The following DYNC1I1 variants were observed in gnomAD, a reference collection of about 807,000 sequenced individuals.
DYNC1I1 encodes the protein dynein cytoplasmic 1 intermediate chain 1.
A neutral mutation model predicts 86.6 loss-of-function variants in DYNC1I1; 43 were observed. The ratio of observed to expected loss-of-function variants is 0.50; its 90% confidence interval spans 0.39 to 0.64. DYNC1I1 has a LOEUF of 0.64. Ranked by LOEUF, DYNC1I1 falls within the 30% of genes least tolerant of loss-of-function variation. The pLI, the probability that DYNC1I1 is intolerant of heterozygous loss-of-function variation, is 0.00. For synonymous variants in DYNC1I1, 262 were observed against 283.7 expected (o/e 0.92, Z 0.77); for missense variants, 604 against 788.8 (o/e 0.77, Z 2.81).
chr7:95,894,335 A>G (rs775857084), intron 6 of DYNC1I1, among the ~76,000 whole-genome samples: 3 of 152,060 alleles, frequency 2.0e-5, no homozygotes, highest in Non-Finnish European at 4.4e-5. Flanking sequence ...GTCTCCTGAT[A>G]TGATAGAAGG....
intron 10 of DYNC1I1, among the ~76,000 whole-genome samples, chr7:96,018,610 T>A (rs969265985): frequency 6.6e-6 from 1 of 152,198 alleles, no homozygotes; most frequent in Non-Finnish European, 1.5e-5. Context: ...AGTGTCTACA[T>A]GGAGAGTGAT....
In DYNC1I1 at chr7:95,783,532, A is replaced by G. The variant is rs145193329; in HGVS notation, c.-10+10759A>G. On this transcript the variant is annotated intron_variant, in intron 1 of 16. Transcript: ENST00000447467. ...ATCAGATATCAAATGATTATCACAT[A>G]TGTTAAAATGGGATAAATGCCTCAG... is the stretch of plus-strand genomic sequence containing the variant. Among the ~76,000 whole-genome samples the G allele has an allele frequency of 4.9e-3, 740 of 152,340 alleles. 7 individuals are homozygous for G. Among genetic ancestry groups the G allele is most frequent in the African/African-American group, 0.017 (713 of 41,562 alleles).
intron 10 of DYNC1I1, among the ~76,000 whole-genome samples, chr7:96,005,296 A>G (rs1253071044): frequency 6.6e-6 from 1 of 152,226 alleles, no homozygotes; most frequent in Admixed American, 6.5e-5. Flanking sequence ...CACCTTGCTA[A>G]TAATAGCAGA....
downstream of DYNC1I1, among the ~76,000 whole-genome samples, chr7:96,100,572 G>A (rs1373285288): frequency 6.6e-6 from 1 of 151,580 alleles, no homozygotes; most frequent in Non-Finnish European, 1.5e-5. Flanking sequence ...AGTAGCACTG[G>A]GATTAGATTT....
chr7:95,942,846 T>A (rs1792271758), intron 6 of DYNC1I1, among the ~76,000 whole-genome samples: 2 of 145,672 alleles, frequency 1.4e-5, no homozygotes, highest in Admixed American at 1.4e-4. Flanking sequence ...AAACTCTCAA[T>A]AAATTAGGTA....
At chr7:95,940,031 G>A (rs1033268161) in intron 6 of DYNC1I1, among the ~76,000 whole-genome samples, 2 of 151,900 alleles carry the variant, frequency 1.3e-5, no homozygotes, top group African/African-American at 4.8e-5. Flanking sequence ...TGTCTGTAAA[G>A]TATTTTATTT....
At chr7:95,827,351 A>G (rs912668334) in intron 4 of DYNC1I1, among the ~76,000 whole-genome samples, 1 of 152,208 alleles carries the variant, frequency 6.6e-6, no homozygotes, top group Non-Finnish European at 1.5e-5. Context: ...TAGAAGAGCC[A>G]TTTATCCCCT....
chr7:96,081,698 G>A (rs1790524296), intron 16 of DYNC1I1, among the ~76,000 whole-genome samples: 1 of 152,158 alleles, frequency 6.6e-6, no homozygotes, highest in South Asian at 2.1e-4. Flanking sequence ...CACTGAGAAG[G>A]GTTCTTTATG....
downstream of DYNC1I1, among the ~76,000 whole-genome samples, chr7:96,100,247 A>G (rs1051314857): frequency 3.9e-5 from 6 of 152,152 alleles, no homozygotes; most frequent in Non-Finnish European, 7.4e-5. Flanking sequence ...CCAGGACTTT[A>G]TGTCAGCATT....
At chr7:95,942,475 C>T (rs984643961) in intron 6 of DYNC1I1, among the ~76,000 whole-genome samples, 4 of 152,314 alleles carry the variant, frequency 2.6e-5, no homozygotes, top group African/African-American at 9.6e-5. Flanking sequence ...CCTTCTGAAA[C>T]TATTCCAACC....
intron 6 of DYNC1I1, among the ~76,000 whole-genome samples, chr7:95,885,119 C>A (rs1323252396): frequency 6.6e-6 from 1 of 152,148 alleles, no homozygotes; most frequent in Admixed American, 6.5e-5. Context: ...TGTGTTTTCT[C>A]CTGATCTGAA....
chr7:95,794,445 A>G (rs982723426), intron 1 of DYNC1I1, among the ~76,000 whole-genome samples: 3 of 152,212 alleles, frequency 2.0e-5, no homozygotes, highest in African/African-American at 7.2e-5. Context: ...AAAGAGAAGC[A>G]TATTGAATCT....
chr7:96,035,808 T>C, intron 13 of DYNC1I1, 56 bp downstream of exon 13: 3 of 1,593,226 alleles, frequency 1.9e-6, no homozygotes, highest in Non-Finnish European at 2.6e-6. Context: ...AAGTCTGTTA[T>C]CACATTCTGG....
At chr7:95,861,724 A>G (rs1266029933) in intron 5 of DYNC1I1, among the ~76,000 whole-genome samples, 1 of 152,158 alleles carries the variant, frequency 6.6e-6, no homozygotes, top group Non-Finnish European at 1.5e-5. Flanking sequence ...ATTGTATAGT[A>G]TCTAACTGAT....
chr7:96,085,985 G>T (rs756930), intron 16 of DYNC1I1, among the ~76,000 whole-genome samples: 1 of 151,726 alleles, frequency 6.6e-6, no homozygotes, highest in Non-Finnish European at 1.5e-5. Flanking sequence ...AAATAAAAAC[G>T]ACTCATTGCC....
rs1584243381 is a variant in DYNC1I1, at chr7:96,004,204, C to T, written c.969+8131C>T. ...ACTTTGCTTTTTCCGTTTTTATATC[C>T]GATTGTTTACTTTTAAATGGTATGT... On this transcript the variant is annotated intron_variant, in intron 10 of 16. Transcript: ENST00000447467. 2.0e-5 allele frequency among the ~76,000 whole-genome samples: 3 copies of T among 152,050 alleles called. 1 individual carries two copies. The Middle Eastern group carries it at 0.01, about 517-fold the overall frequency.
chr7:95,931,280 G>T (rs1259849547), intron 6 of DYNC1I1, among the ~76,000 whole-genome samples: 1 of 151,872 alleles, frequency 6.6e-6, no homozygotes, highest in African/African-American at 2.4e-5. Context: ...CGCCTGAGTA[G>T]CTGGAATTAC....
intron 6 of DYNC1I1, among the ~76,000 whole-genome samples, chr7:95,940,849 C>T (rs533112657): frequency 1.3e-5 from 2 of 152,218 alleles, no homozygotes; most frequent in Admixed American, 6.5e-5. Flanking sequence ...TGAGGAGCTA[C>T]GTTCCTTTGG....
At chr7:96,088,901 GTTAC>G (rs1389745213) in intron 16 of DYNC1I1, among the ~76,000 whole-genome samples, 2 of 152,050 alleles carry the variant, frequency 1.3e-5, no homozygotes, top group Non-Finnish European at 2.9e-5. Context: ...TAAAGCATGA[GTTAC>G]TTATCATTTA....
Sources: allele counts gnomAD v4.1 joint callset (sites outside exome capture counted in the v4.1 genomes callset), GRCh38; gene constraint gnomAD v4.1.1; transcripts MANE v1.5; gene names NCBI Gene and HGNC (gene_info 2026-07-23, HGNC 2026-07-21).